The following LHCGR variants were observed in gnomAD, a reference collection of about 807,000 sequenced individuals.
LHCGR encodes lutropin-choriogonadotropic hormone receptor.
LHCGR carries 55 observed loss-of-function variants against 60.7 expected under a neutral mutation model. The ratio of observed to expected loss-of-function variants is 0.91; its 90% CI spans 0.73 to 1.13. The LOEUF (loss-of-function observed/expected upper bound fraction) is 1.13. Among genes scored for constraint, LHCGR ranks in the 50% most tolerant of loss-of-function variants. The pLI is 0.00. For synonymous variants in LHCGR, 337 were observed against 316.5 expected (o/e 1.06, Z -0.69); for missense variants, 862 against 836.0 (o/e 1.03, Z -0.38).
intron 8 of LHCGR, among the ~76,000 whole-genome samples, chr2:48,707,169 G>A (rs1379222248): frequency 6.6e-6 from 1 of 152,192 alleles, no homozygotes; most frequent in Non-Finnish European, 1.5e-5. Flanking sequence ...CAGGTCTGTT[G>A]GAGTTTGCTG....
At chr2:48,735,061 G>A (rs556986049) in intron 1 of LHCGR, among the ~76,000 whole-genome samples, 4 of 152,320 alleles carry the variant, frequency 2.6e-5, no homozygotes, top group African/African-American at 7.2e-5. Context: ...ATGAGGCAAC[G>A]CAGGTGGCAC....
At position 48,725,726 on chromosome 2, in the gene LHCGR, C is replaced by T; in HGVS notation, c.333G>A (p.Leu111=). ...SEILIQNTKN[L]RYIEPGAFIN... ...TAAATGCTCCGGGCTCAATGTATCT[C>T]AGATTTTTGGTGTTCTGGATCAGTC... Residue 111 remains leucine, a synonymous_variant, in exon 4 of 11, where the codon CTG becomes CTA. Coordinates refer to ENST00000294954, the MANE Select transcript of LHCGR (RefSeq NM_000233.4). 6.2e-7 allele frequency: 1 copy of T among 1,613,016 alleles called. No homozygotes were observed.
intron 1 of LHCGR, among the ~76,000 whole-genome samples, chr2:48,749,438 C>G (rs13019537): frequency 0.11 from 17,187 of 152,194 alleles, 1,169 homozygotes; most frequent in Non-Finnish European, 0.15. Context: ...CACATATGCT[C>G]CCATGGAGCC....
chr2:48,730,797 G>C (rs1249920061), intron 2 of LHCGR, among the ~76,000 whole-genome samples: 1 of 152,128 alleles, frequency 6.6e-6, no homozygotes, highest in Non-Finnish European at 1.5e-5. Flanking sequence ...TAAATACTGT[G>C]TTTTTGTCAT....
intron 8 of LHCGR, among the ~76,000 whole-genome samples, chr2:48,707,541 C>T (rs958886730): frequency 6.6e-6 from 1 of 152,268 alleles, no homozygotes; most frequent in African/African-American, 2.4e-5. Flanking sequence ...TGAGGGTTTT[C>T]TCTGTAATTC....
chr2:48,744,851 C>T (rs1347434921), intron 1 of LHCGR, among the ~76,000 whole-genome samples: 129 of 151,462 alleles, frequency 8.5e-4, no homozygotes, highest in African/African-American at 1.9e-3. Context: ...AAATGGGATC[C>T]AATTAAACTA....
chr2:48,726,050 A>C (rs1373804043), intron 3 of LHCGR, among the ~76,000 whole-genome samples: 1 of 151,890 alleles, frequency 6.6e-6, no homozygotes, highest in African/African-American at 2.4e-5. Flanking sequence ...CAGCACCGAC[A>C]TCCAGGGCTC....
chr2:48,715,406 A>G (rs972344356), intron 6 of LHCGR, among the ~76,000 whole-genome samples: 1 of 152,198 alleles, frequency 6.6e-6, no homozygotes, highest in South Asian at 2.1e-4. Context: ...TTTGTGAATG[A>G]TGATGTAAAA....
intron 1 of LHCGR, among the ~76,000 whole-genome samples, chr2:48,741,269 A>G (rs1018513672): frequency 2.0e-5 from 3 of 152,252 alleles, no homozygotes; most frequent in Non-Finnish European, 4.4e-5. Context: ...AACACTCTGC[A>G]GGTTATTATC....
chr2:48,702,906 T>C (rs1463693437), intron 8 of LHCGR, among the ~76,000 whole-genome samples: 1 of 152,250 alleles, frequency 6.6e-6, no homozygotes, highest in East Asian at 1.9e-4. Context: ...AAAGTGTTCC[T>C]ATTCCTCCAC....
intron 6 of LHCGR, among the ~76,000 whole-genome samples, chr2:48,715,192 C>G (rs1668190563): frequency 1.3e-5 from 2 of 152,116 alleles, no homozygotes; most frequent in Admixed American, 1.3e-4. Flanking sequence ...ATCATCTGAC[C>G]CATGATTACA....
intron 1 of LHCGR, among the ~76,000 whole-genome samples, chr2:48,750,139 G>A (rs969082223): frequency 2.0e-5 from 3 of 152,104 alleles, no homozygotes; most frequent in Non-Finnish European, 2.9e-5. Flanking sequence ...GAGATTTTTT[G>A]GCTGGCCCAG....
intron 1 of LHCGR, among the ~76,000 whole-genome samples, chr2:48,739,091 G>T (rs1044726134): frequency 3.3e-5 from 5 of 152,180 alleles, no homozygotes; most frequent in African/African-American, 1.2e-4. Flanking sequence ...ATCTCAGAAT[G>T]CAAATCAAAA....
At chr2:48,720,892 A>T (rs979142054) in intron 6 of LHCGR, 4 of 152,242 alleles carry the variant, frequency 2.6e-5, no homozygotes, top group Non-Finnish European at 5.9e-5. Flanking sequence ...ACTTAAAAAC[A>T]GTGCAGGTAT....
chr2:48,719,473 G>C (rs1369722316), intron 6 of LHCGR, among the ~76,000 whole-genome samples: 2 of 152,122 alleles, frequency 1.3e-5, no homozygotes, highest in Non-Finnish European at 2.9e-5. Context: ...TTTCTTTGTG[G>C]AGTTAAGATG....
At chr2:48,711,508 A>G (rs1667987738) in intron 7 of LHCGR, among the ~76,000 whole-genome samples, 1 of 152,178 alleles carries the variant, frequency 6.6e-6, no homozygotes, top group Non-Finnish European at 1.5e-5. Context: ...ACAGTGAGAT[A>G]CAGGGTATAC....
At chr2:48,735,783 T>G (rs1483373890) in intron 1 of LHCGR, among the ~76,000 whole-genome samples, 2 of 152,176 alleles carry the variant, frequency 1.3e-5, no homozygotes, top group Non-Finnish European at 2.9e-5. Context: ...AGCTCTCAGC[T>G]GAGTTGCTCT....
rs367588008 is a variant in LHCGR at position 48,735,891 on chromosome 2, G to A, written c.162-4593C>T. Among the ~76,000 whole-genome samples the A allele has an allele frequency of 1.3e-4, 20 of 152,274 alleles. No homozygotes were observed. In the South Asian group the frequency reaches 4.1e-3, roughly 32 times the overall value. On this transcript the variant is annotated intron_variant, in intron 1 of 10. Transcript: ENST00000294954. ...CCAGTGTTGGAGGTGGGGCTTGGTT[G>A]GAGGTGATTGGATCAAGGGGGCAGA... is the stretch of plus-strand genomic sequence containing the variant.
chr2:48,741,853 A>C (rs1016978334), intron 1 of LHCGR, among the ~76,000 whole-genome samples: 1 of 151,412 alleles, frequency 6.6e-6, no homozygotes, highest in Non-Finnish European at 1.5e-5. Context: ...ATTAACTTTA[A>C]ATGTAAATGG....
Sources: allele counts gnomAD v4.1 joint callset (sites outside exome capture counted in the v4.1 genomes callset), GRCh38; gene constraint gnomAD v4.1.1; transcripts MANE v1.5; gene names NCBI Gene and HGNC (gene_info 2026-07-23, HGNC 2026-07-21).